The following PANK4 variants were observed in gnomAD, a reference collection of about 807,000 sequenced individuals.
PANK4 encodes 4'-phosphopantetheine phosphatase.
Under a neutral mutation model 87.9 loss-of-function variants are expected in PANK4, and 40 were observed. That is an observed-to-expected ratio of 0.46 (90% confidence interval 0.35 to 0.59). The LOEUF is 0.59. PANK4 is among the 20% of genes least tolerant of loss of function. The probability of loss-of-function intolerance (pLI) is 0.00; values close to 1 mark genes in which losing one functional copy is unlikely to be tolerated. For synonymous variants in PANK4, 524 were observed against 467.4 expected, an observed-to-expected ratio of 1.12 and a Z score of -1.56; for missense variants, 926 against 1,072.3, an observed-to-expected ratio of 0.86 and a Z score of 1.90.
At chr1:2,522,240 G>T (rs570584074) in intron 1 of PANK4, among the ~76,000 whole-genome samples, 8 of 152,196 alleles carry the variant, frequency 5.3e-5, no homozygotes, top group Non-Finnish European at 1.0e-4. Context: ...TGCTTACAAA[G>T]GAGGCTCTCC....
chr1:2,518,704 C>A (rs111338497), intron 7 of PANK4, 107 bp from the exon 8 acceptor site: 38 of 909,154 alleles, frequency 4.2e-5, no homozygotes, highest in African/African-American at 4.1e-4. Flanking sequence ...CCCAAACCCT[C>A]GAAGAGGCGC....
Position 2,515,417 on chromosome 1 carries a change from C to T in PANK4, c.1374+145G>A, listed in dbSNP as rs559254407. 79 of 910,406 alleles carry T rather than the reference C, an allele frequency of 8.7e-5. No homozygotes were observed. In the African/African-American group the frequency reaches 1.1e-3, roughly 13 times the overall value. The allele number at this position is 910,406 out of a possible 1,614,324, so 56.4% of individuals were successfully genotyped here. ...GTATTTTTGCCTGAGAAACCAAAAT[C>T]GCCCCCTCACTCAGACGCAGATCAA... On this transcript the variant is annotated intron_variant, in intron 10 of 18. Coordinates refer to ENST00000378466, the MANE Select transcript of PANK4 (RefSeq NM_018216.4). The surrounding 1 kb of genome is among the most constrained non-coding windows in gnomAD (Gnocchi z 5.0).
chr1:2,520,883 G>T lies in PANK4; in HGVS notation c.446C>A (p.Thr149Lys). The change falls in exon 4 of 19, where the codon ACG becomes AAG. Residue 149 changes from threonine (T) to lysine (K), a missense_variant. Transcript: ENST00000378466. This position sits in a 1 kb window ranked among gnomAD's most constrained non-coding sequence, Gnocchi z 6.2. ...RLKVDKEDVMTCLIKGCNFVL... is the reference protein window; with the variant it reads ...RLKVDKEDVMKCLIKGCNFVL... ...GAAGTTGCACCCCTTAATCAGGCAC[G>T]TCATCACGTCCTCCTTGTCGACTCT... is the stretch of plus-strand genomic sequence containing the variant. 6.4e-7 allele frequency: 1 copy of T among 1,558,604 alleles called. No individual in the cohort carries two copies. Among genetic ancestry groups the T allele is most frequent in the Non-Finnish European group, 8.7e-7 (1 of 1,153,320 alleles).
chr1:2,516,321 G>A (rs1015355975), intron 9 of PANK4, among the ~76,000 whole-genome samples: 1 of 152,204 alleles, frequency 6.6e-6, no homozygotes, highest in South Asian at 2.1e-4. Flanking sequence ...GACTATGGCA[G>A]GGCCAGGCCA....
rs747646743 is a variant in PANK4 at position 2,511,399 on chromosome 1, A to G, written c.1784-12T>C. On this transcript the variant is annotated splice_polypyrimidine_tract_variant and intron_variant, in intron 14 of 18. Coordinates refer to ENST00000378466, the MANE Select transcript of PANK4 (RefSeq NM_018216.4). ...GAGCCAGGGTCTTTCTGAGACAGAG[A>G]GAGGGACACATGATTAGCCCGGTGC... 9.5e-5 allele frequency: 152 copies of G among 1,602,290 alleles called. 1 individual carries two copies. In the South Asian group the frequency reaches 1.0e-3, roughly 11 times the overall value.
At chr1:2,517,155 A>G (rs1007935995) in intron 9 of PANK4, among the ~76,000 whole-genome samples, 9 of 152,212 alleles carry the variant, frequency 5.9e-5, no homozygotes, top group Admixed American at 1.3e-4. Flanking sequence ...AAAAGCTGAG[A>G]GCCTGGGGCT....
Position 2,511,856 on chromosome 1 carries a change from C to G in PANK4, c.1728-173G>C, listed in dbSNP as rs1468527438. 2.0e-5 allele frequency among the ~76,000 whole-genome samples: 3 copies of G among 152,224 alleles called. No individual in the cohort carries two copies. The East Asian group carries it at 5.8e-4, about 29-fold the overall frequency. ...GGGCAGCTGCTCAACGTGAAGACCC[C>G]AAATCACTCCCAGGCAGGACAGAGG... On this transcript the variant is annotated intron_variant, in intron 13 of 18. Coordinates refer to ENST00000378466, the MANE Select transcript of PANK4 (RefSeq NM_018216.4).
At chr1:2,521,891 G>C (rs770059850) in intron 1 of PANK4, 91 bp from the exon 2 acceptor site, 2 of 979,928 alleles carry the variant, frequency 2.0e-6, no homozygotes, top group South Asian at 1.3e-5. Flanking sequence ...GTGTCCTGGA[G>C]ACTAAAGTCT....
chr1:2,526,401 CGG>C, intron 1 of PANK4, 61 bp downstream of exon 1: 1 of 949,408 alleles, frequency 1.1e-6, no homozygotes, highest in Non-Finnish European at 1.3e-6. Flanking sequence ...CCCCGCTCGC[CGG>C]CCCACCGCCG....
At position 2,509,805 on chromosome 1, in the gene PANK4, C is replaced by T. The variant is rs376731796; in HGVS notation, c.2108+57G>A. ...CCGCATGCACCTGGGTGCAGGTGCACGGCACAGAGGGCACAGAGCCCAGGA... is the reference window on the plus strand; with the variant it reads ...CCGCATGCACCTGGGTGCAGGTGCATGGCACAGAGGGCACAGAGCCCAGGA... On this transcript the variant is annotated intron_variant, in intron 18 of 18. Transcript: ENST00000378466. The surrounding 1 kb of genome is among the most constrained non-coding windows in gnomAD (Gnocchi z 4.9). 1.9e-4 allele frequency: 282 copies of T among 1,486,810 alleles called. 1 individual carries two copies. Among genetic ancestry groups the T allele is most frequent in the Middle Eastern group, 2.3e-4 (1 of 4,280 alleles). The allele number at this position is 1,486,810 out of a possible 1,614,324, so 92.1% of individuals were successfully genotyped here. A position where few individuals can be genotyped will look rare whatever the true frequency, so the allele number is the denominator to read the frequency against.
rs372221080 is a variant in PANK4, at chr1:2,519,454, G to A, written c.854-130C>T. 2 of 317,572 alleles carry A rather than the reference G, an allele frequency of 6.3e-6. No individual in the cohort carries two copies. Among genetic ancestry groups the A allele is most frequent in the African/African-American group, 4.7e-5 (2 of 42,212 alleles). 19.7% of individuals were successfully genotyped at this position (317,572 alleles called of 1,614,324 possible). On this transcript the variant is annotated intron_variant, in intron 6 of 18. Transcript: ENST00000378466. This position sits in a 1 kb window ranked among gnomAD's most constrained non-coding sequence, Gnocchi z 8.3. ...GGAGAGAGAGCTGAGTGGGAGGGGAGGGGGAGAGAGAGCTGAGTGGGGGAA... is the reference window on the plus strand; with the variant it reads ...GGAGAGAGAGCTGAGTGGGAGGGGAAGGGGAGAGAGAGCTGAGTGGGGGAA...
Position 2,509,713 on chromosome 1 carries a change from C to A in PANK4, c.2108+149G>T. 2 of 685,994 alleles carry A rather than the reference C, an allele frequency of 2.9e-6. No homozygotes were observed. The highest frequency in any genetic ancestry group is 1.7e-5 in the South Asian group (1 of 57,152). 42.5% of individuals were successfully genotyped at this position (685,994 alleles called of 1,614,324 possible). A position where few individuals can be genotyped will look rare whatever the true frequency, so the allele number is the denominator to read the frequency against. The stretch of plus-strand genomic sequence containing the variant: ...CCACCTTCGGGGATGGCATATCTGT[C>A]CCCTCCTGAGATCAATCCGGGCCTG... On this transcript the variant is annotated intron_variant, in intron 18 of 18. Coordinates refer to ENST00000378466, the MANE Select transcript of PANK4 (RefSeq NM_018216.4). The surrounding 1 kb of genome is among the most constrained non-coding windows in gnomAD (Gnocchi z 4.9).
Position 2,514,436 on chromosome 1 carries a change from C to T in PANK4, c.1405G>A (p.Asp469Asn). The change falls in exon 11 of 19, where the codon GAC (aspartate) becomes AAC (asparagine). Residue 469 changes from aspartate (D) to asparagine (N), a missense_variant. Physicochemically the swap from Asp to Asn is conservative, Grantham distance 23. Transcript: ENST00000378466. ...GCCCTCTCGGCTGCATCCACAGAGT[C>T]TGGCTGGCTCGCCACTGCGCGCTTC... ...VVKRAVASQP[D>N]SVDAAERAEK... 6.2e-7 allele frequency: 1 copy of T among 1,611,732 alleles called. No homozygotes were observed. The highest frequency in any genetic ancestry group is 8.5e-7 in the Non-Finnish European group (1 of 1,179,886).
Position 2,510,923 on chromosome 1 carries a change from C to T in PANK4, c.1834-141G>A, listed in dbSNP as rs930180507. On this transcript the variant is annotated intron_variant, in intron 15 of 18. Transcript: ENST00000378466. The surrounding 1 kb of genome is among the most constrained non-coding windows in gnomAD (Gnocchi z 4.9). Reference sequence around the variant, plus strand: ...CCCAGAGATGCCAGGGATGGGCTGTCCTGCAGGGGCCGAGACCAGGGGCTT... The same window carrying T: ...CCCAGAGATGCCAGGGATGGGCTGTTCTGCAGGGGCCGAGACCAGGGGCTT... 31 of 626,214 alleles carry T rather than the reference C, an allele frequency of 5.0e-5. No homozygotes were observed. Among genetic ancestry groups the T allele is most frequent in the Admixed American group, 3.5e-4 (13 of 37,474 alleles). 38.8% of individuals were successfully genotyped at this position (626,214 alleles called of 1,614,324 possible).
At chr1:2,514,211 G>C (rs1643716418) in intron 11 of PANK4, 122 bp from the exon 12 acceptor site, 2 of 1,116,144 alleles carry the variant, frequency 1.8e-6, no homozygotes, top group African/African-American at 3.1e-5. Context: ...CTTGAGGCGG[G>C]GTCCAAGGGG....
Position 2,520,634 on chromosome 1 carries a change from T to G in PANK4, c.606+89A>C. 2 of 1,205,268 alleles carry G rather than the reference T, an allele frequency of 1.7e-6. No individual in the cohort carries two copies. The highest frequency in any genetic ancestry group is 2.3e-6 in the Non-Finnish European group (2 of 858,112). The allele number at this position is 1,205,268 out of a possible 1,614,324, so 74.7% of individuals were successfully genotyped here. On this transcript the variant is annotated intron_variant, in intron 4 of 18. Transcript: ENST00000378466. This position sits in a 1 kb window ranked among gnomAD's most constrained non-coding sequence, Gnocchi z 6.2. ...CCTCCCGCCCACTGGGCCCCATCCATGTGCCCAGCCCTGGCTCCTGCACAC... is the reference window on the plus strand; with the variant it reads ...CCTCCCGCCCACTGGGCCCCATCCAGGTGCCCAGCCCTGGCTCCTGCACAC...
chr1:2,511,632 T>G lies in PANK4; in HGVS notation c.1779A>C (p.Leu593Phe). The G allele has an allele frequency of 6.2e-7, 1 of 1,606,704 alleles. No homozygotes were observed. The highest frequency in any genetic ancestry group is 1.7e-4 in the Middle Eastern group (1 of 6,052). ...YFGFEEAKRKLQERPWLVDSY... is the reference protein window; with the variant it reads ...YFGFEEAKRKFQERPWLVDSY... ...AAGTTACTTGGCCATCCGTACCTTGTAACTTCCTCTTTGCTTCTTCAAACC... is the reference window on the plus strand; with the variant it reads ...AAGTTACTTGGCCATCCGTACCTTGGAACTTCCTCTTTGCTTCTTCAAACC... The change falls in exon 14 of 19, where the codon TTA becomes TTC. Residue 593 changes from leucine (L) to phenylalanine (F), a missense_variant. By Grantham distance (22) the Leu-to-Phe change is conservative. Coordinates refer to ENST00000378466, the MANE Select transcript of PANK4 (RefSeq NM_018216.4).
chr1:2,510,146 C>G lies in PANK4; in HGVS notation c.1950G>C (p.Ala650=). ...CGTTCAGGGCGGGGCCTGAGTTGCA[C>G]GCCAGGATGACCTGCAGGAGGAGGG... ...LLLRGTEVIL[A]CNSGPALNDV... The change falls in exon 17 of 19, where the codon GCG becomes GCC. Residue 650 remains alanine, a synonymous_variant. Coordinates refer to ENST00000378466, the MANE Select transcript of PANK4 (RefSeq NM_018216.4). The surrounding 1 kb of genome is among the most constrained non-coding windows in gnomAD (Gnocchi z 4.9). 6.2e-7 allele frequency: 1 copy of G among 1,603,738 alleles called. No individual in the cohort carries two copies. Among genetic ancestry groups the G allele is most frequent in the South Asian group, 1.1e-5 (1 of 89,616 alleles).
At chr1:2,521,356 C>A (rs1304424429) in intron 2 of PANK4, 41 bp from the exon 3 acceptor site, 2 of 1,497,144 alleles carry the variant, frequency 1.3e-6, no homozygotes, top group Non-Finnish European at 1.9e-6. Context: ...GTGTGGGACA[C>A]CGCGCCGGGC....
Sources: allele counts gnomAD v4.1 joint callset (sites outside exome capture counted in the v4.1 genomes callset), GRCh38; gene constraint gnomAD v4.1.1; non-coding constraint Gnocchi (gnomAD v3.1); transcripts MANE v1.5; gene names NCBI Gene and HGNC (gene_info 2026-07-23, HGNC 2026-07-21).